MSRA: variants seen among roughly 807,000 people sequenced by gnomAD.
The protein encoded by MSRA is methionine sulfoxide reductase A.
A neutral mutation model predicts 31.3 loss-of-function variants in MSRA; 54 were observed. The observed-to-expected ratio is 1.73, with a 90% CI of 1.39 to 2.17. The LOEUF is 2.17. MSRA is among the 30% of genes most tolerant of loss of function. The pLI is 0.00. For missense variants in MSRA, 507 were observed against 300.9 expected (o/e 1.69, Z -5.07); for synonymous variants, 169 against 116.5 (o/e 1.45, Z -2.90).
intron 1 of MSRA, among the ~76,000 whole-genome samples, chr8:10,190,227 G>A (rs2129053203): frequency 6.6e-6 from 1 of 152,242 alleles, no homozygotes; most frequent in Non-Finnish European, 1.5e-5. Context: ...CGTTGAGCCT[G>A]CCCCAGTCAT....
chr8:10,428,147 G>A lies in MSRA; in HGVS notation c.544-1G>A. 6.2e-7 allele frequency: 1 copy of A among 1,611,778 alleles called. No homozygotes were observed. Among genetic ancestry groups the A allele is most frequent in the Non-Finnish European group, 8.5e-7 (1 of 1,179,438 alleles). On this transcript the variant is annotated splice_acceptor_variant, in intron 5 of 5. Transcript: ENST00000317173. LOFTEE classifies it high-confidence loss of function. ...GATGGCGCCTTTCTGTGTCCCCACA[G>A]GTTCTTTCAGAGCACGGCTTCGGCC...
At chr8:10,284,022 T>C (rs1799799397) in intron 3 of MSRA, among the ~76,000 whole-genome samples, 1 of 151,790 alleles carries the variant, frequency 6.6e-6, no homozygotes, top group Non-Finnish European at 1.5e-5. Context: ...TAGCCAGTAG[T>C]GGGATTGCTG....
At chr8:10,363,637 G>A (rs1397805902) in intron 5 of MSRA, among the ~76,000 whole-genome samples, 1 of 151,980 alleles carries the variant, frequency 6.6e-6, no homozygotes, top group Admixed American at 6.6e-5. Context: ...GTGCCTCACA[G>A]GTCCTAAATG....
chr8:10,112,182 A>C (rs11774411), intron 1 of MSRA, among the ~76,000 whole-genome samples: 40,095 of 152,058 alleles, frequency 0.26, 5,819 homozygotes, highest in East Asian at 0.56. Flanking sequence ...AACTCACCAC[A>C]ATCACGTAGG....
chr8:10,341,736 A>T (rs2129150975), intron 5 of MSRA, among the ~76,000 whole-genome samples: 1 of 152,260 alleles, frequency 6.6e-6, no homozygotes, highest in South Asian at 2.1e-4. Context: ...TCGGAGGTTG[A>T]TGGTGTGACG....
At chr8:10,062,989 C>G (rs138220685) in intron 1 of MSRA, among the ~76,000 whole-genome samples, 2 of 152,294 alleles carry the variant, frequency 1.3e-5, no homozygotes, top group African/African-American at 4.8e-5. Context: ...TCTTCTCTCA[C>G]GCTTCCAACC....
At chr8:10,138,860 T>C (rs1802481846) in intron 1 of MSRA, among the ~76,000 whole-genome samples, 1 of 152,142 alleles carries the variant, frequency 6.6e-6, no homozygotes, top group Non-Finnish European at 1.5e-5. Context: ...CTTAAAATGA[T>C]AGCAGCAGCA....
At chr8:10,219,569 G>T (rs550965827) in intron 2 of MSRA, among the ~76,000 whole-genome samples, 33 of 152,116 alleles carry the variant, frequency 2.2e-4, no homozygotes, top group African/African-American at 7.2e-4. Flanking sequence ...CAGCACTTTG[G>T]GAGGCTGAGG....
chr8:10,316,851 C>A (rs532806065), intron 4 of MSRA, among the ~76,000 whole-genome samples: 1 of 152,054 alleles, frequency 6.6e-6, no homozygotes, highest in Non-Finnish European at 1.5e-5. Context: ...GGGAGGACTT[C>A]GGGACACCAT....
chr8:10,400,397 G>GTAGTGTC, intron 5 of MSRA, among the ~76,000 whole-genome samples: 1 of 152,188 alleles, frequency 6.6e-6, no homozygotes, highest in Non-Finnish European at 1.5e-5. Context: ...TGTGTAGTGT[G>GTAGTGTC]TAGGGAAAGA....
chr8:10,231,156 T>C (rs1303990927), intron 2 of MSRA, among the ~76,000 whole-genome samples: 2 of 151,768 alleles, frequency 1.3e-5, no homozygotes, highest in South Asian at 2.1e-4. Flanking sequence ...CTGGAAGGGA[T>C]GAGAAAGGCG....
In MSRA at chr8:10,218,804, G is replaced by C. The variant is rs562702885; in HGVS notation, c.211+10903G>C. On this transcript the variant is annotated intron_variant, in intron 2 of 5. Transcript: ENST00000317173. Reference sequence around the variant, plus strand: ...TTTGACGGAATGACCATTTTCACTTGGGCGTTTAACCAGATTATTGAAATT... The same window carrying C: ...TTTGACGGAATGACCATTTTCACTTCGGCGTTTAACCAGATTATTGAAATT... 1.1e-3 allele frequency among the ~76,000 whole-genome samples: 168 copies of C among 152,314 alleles called. 1 individual carries two copies. Among genetic ancestry groups the C allele is most frequent in the African/African-American group, 3.8e-3 (159 of 41,552 alleles).
chr8:10,374,533 G>A (rs546767264), intron 5 of MSRA, among the ~76,000 whole-genome samples: 3 of 152,240 alleles, frequency 2.0e-5, no homozygotes, highest in East Asian at 1.9e-4. Context: ...TTTACAAATC[G>A]CCCAAGGTCT....
Position 10,264,277 on chromosome 8 carries a change from C to G in MSRA, c.331+19054C>G, listed in dbSNP as rs183708056. ...TTCCAGTAGCTTATGAGAACTCCAG[C>G]TATTAGCATGTAGCATTTAACCTCC... On this transcript the variant is annotated intron_variant, in intron 3 of 5. Transcript: ENST00000317173. 3.3e-3 allele frequency among the ~76,000 whole-genome samples: 501 copies of G among 152,290 alleles called. 3 individuals carry two copies. The highest frequency in any genetic ancestry group is 0.012 in the African/African-American group (478 of 41,558).
chr8:10,296,811 C>G (rs1800569324), intron 3 of MSRA, among the ~76,000 whole-genome samples: 1 of 152,162 alleles, frequency 6.6e-6, no homozygotes, highest in Non-Finnish European at 1.5e-5. Context: ...CAGACCCCGC[C>G]AAGGTCATGC....
At chr8:10,160,712 T>C (rs1439250966) in intron 1 of MSRA, among the ~76,000 whole-genome samples, 1 of 152,070 alleles carries the variant, frequency 6.6e-6, no homozygotes, top group Non-Finnish European at 1.5e-5. Context: ...GTATTTTTAG[T>C]AGAGACAGGA....
chr8:10,058,074 C>T (rs934122720), intron 1 of MSRA, among the ~76,000 whole-genome samples: 3 of 152,140 alleles, frequency 2.0e-5, no homozygotes, highest in Non-Finnish European at 2.9e-5. Flanking sequence ...TTGATTCTAT[C>T]TTGGCTTTCT....
intron 5 of MSRA, among the ~76,000 whole-genome samples, chr8:10,377,998 C>G (rs1294212607): frequency 6.6e-6 from 1 of 152,250 alleles, no homozygotes; most frequent in Non-Finnish European, 1.5e-5. Flanking sequence ...ACAGAAGCTT[C>G]TAATCAGCAC....
intron 1 of MSRA, among the ~76,000 whole-genome samples, chr8:10,074,784 A>G (rs1454338503): frequency 6.6e-6 from 1 of 151,928 alleles, no homozygotes. Context: ...TCAGCCTCCC[A>G]AGTAGCTGAG....
Sources: gnomAD v4.1 joint callset for allele counts (sites outside exome capture counted in the v4.1 genomes callset) on GRCh38, gnomAD v4.1.1 for gene constraint, MANE v1.5 for transcripts, NCBI Gene and HGNC (gene_info 2026-07-23, HGNC 2026-07-21) for gene names.